Variants in PPP2R5C observed in about 807,000 individuals in gnomAD.
PPP2R5C encodes serine/threonine-protein phosphatase 2A 56 kDa regulatory subunit gamma isoform.
PPP2R5C carries 7 observed loss-of-function variants against 68.9 expected under a neutral mutation model. That is an observed-to-expected ratio of 0.10 (90% CI 0.06 to 0.19). The LOEUF (loss-of-function observed/expected upper bound fraction) is 0.19. Among genes scored for constraint, PPP2R5C ranks in the 10% least tolerant of loss-of-function variants. The pLI, the probability that PPP2R5C is intolerant of heterozygous loss-of-function variation, is 1.00. For missense variants in PPP2R5C, 348 were observed against 641.3 expected, an observed-to-expected ratio of 0.54 and a Z score of 4.94; for synonymous variants, 210 against 222.2, an observed-to-expected ratio of 0.95 and a Z score of 0.49.
intron 2 of PPP2R5C, among the ~76,000 whole-genome samples, chr14:101,783,342 T>C (rs2037923435): frequency 6.8e-6 from 1 of 146,738 alleles, no homozygotes; most frequent in African/African-American, 2.5e-5. Context: ...TCACCTCACC[T>C]TCCCAGGGAC....
intron 11 of PPP2R5C, among the ~76,000 whole-genome samples, chr14:101,910,961 G>A (rs143744718): frequency 0.022 from 3,294 of 152,176 alleles, 90 homozygotes; most frequent in Middle Eastern, 0.068. Context: ...AAAATTAGCC[G>A]GGCGTGGTGG....
At chr14:101,799,822 C>A (rs1419027574) in intron 3 of PPP2R5C, among the ~76,000 whole-genome samples, 1 of 152,156 alleles carries the variant, frequency 6.6e-6, no homozygotes, top group Non-Finnish European at 1.5e-5. Flanking sequence ...TTTTTATGTA[C>A]CTGATCTCAT....
At chr14:101,837,393 C>A (rs1319414514) in intron 1 of PPP2R5C, among the ~76,000 whole-genome samples, 2 of 152,218 alleles carry the variant, frequency 1.3e-5, no homozygotes, top group Non-Finnish European at 1.5e-5. Context: ...GTGATCCGCC[C>A]ACCTCAGCCT....
chr14:101,894,640 T>C, intron 8 of PPP2R5C, 80 bp downstream of exon 10: 4 of 1,359,210 alleles, frequency 2.9e-6, no homozygotes, highest in Non-Finnish European at 4.2e-6. Context: ...CTTCACCAAA[T>C]TGCCATTCAT....
intron 2 of PPP2R5C, chr14:101,766,250 TAAGA>T (rs1287361826): frequency 1.3e-5 from 2 of 152,240 alleles, no homozygotes; most frequent in Non-Finnish European, 2.9e-5. Context: ...GGTTTTTCAG[TAAGA>T]AAGATGAAGT....
intron 2 of PPP2R5C, among the ~76,000 whole-genome samples, chr14:101,862,404 G>T (rs571972973): frequency 9.8e-5 from 15 of 152,316 alleles, no homozygotes; most frequent in African/African-American, 3.6e-4. Flanking sequence ...GACCGGTAAA[G>T]GTTACAGAGT....
intron 1 of PPP2R5C, chr14:101,819,455 C>T (rs748072311): frequency 1.1e-5 from 2 of 189,682 alleles, no homozygotes; most frequent in Admixed American, 5.5e-5. Context: ...AGCAGGACAG[C>T]GGTGTTCAGC....
chr14:101,797,168 CT>C lies in PPP2R5C; in HGVS notation c.259+10988del, dbSNP rs1242103448. 2 of 456,062 alleles carry C rather than the reference CT, an allele frequency of 4.4e-6. No individual in the cohort carries two copies. The highest frequency in any genetic ancestry group is 3.1e-5 in the South Asian group (2 of 64,564). The allele number at this position is 456,062 out of a possible 1,614,324, so 28.3% of individuals were successfully genotyped here. Reference sequence around the variant, plus strand: ...AGAAGCGGAATCGTACAGTATCTGTCTTTCTGTGCCTGGCTTATTTCCCTAA... The same window carrying C: ...AGAAGCGGAATCGTACAGTATCTGTCTTCTGTGCCTGGCTTATTTCCCTAA... On this transcript the variant is annotated intron_variant, in intron 3 of 14. Transcript: ENST00000328724. The surrounding 1 kb of genome is among the most constrained non-coding windows in gnomAD (Gnocchi z 4.2).
chr14:101,767,704 C>T (rs560183004), intron 2 of PPP2R5C, among the ~76,000 whole-genome samples: 27 of 152,304 alleles, frequency 1.8e-4, no homozygotes, highest in African/African-American at 2.6e-4. Flanking sequence ...TTAATTGCCA[C>T]GTCTTGGCTC....
In PPP2R5C at chr14:101,797,047, TTCA is replaced by T; in HGVS notation, c.259+10870_259+10872del. The T allele has an allele frequency of 2.4e-6, 1 of 420,370 alleles. No homozygotes were observed. The highest frequency in any genetic ancestry group is 2.5e-5 in the Admixed American group (1 of 40,386). 26.0% of individuals were successfully genotyped at this position (420,370 alleles called of 1,614,324 possible). A position where few individuals can be genotyped will look rare whatever the true frequency, so the allele number is the denominator to read the frequency against. On this transcript the variant is annotated intron_variant, in intron 3 of 14. Coordinates refer to the PPP2R5C transcript ENST00000328724. This position sits in a 1 kb window ranked among gnomAD's most constrained non-coding sequence, Gnocchi z 4.2. Reference sequence around the variant, plus strand: ...TCACTACTATCTCTACCCAAAACTTTTCATCATCCCCAACAAAAACTCCATTAA... The same window carrying T: ...TCACTACTATCTCTACCCAAAACTTTTCATCCCCAACAAAAACTCCATTAA...
intron 3 of PPP2R5C, among the ~76,000 whole-genome samples, chr14:101,803,794 C>A (rs1405594088): frequency 6.6e-6 from 1 of 151,924 alleles, no homozygotes; most frequent in Non-Finnish European, 1.5e-5. Context: ...TGGGGAAAAT[C>A]TGCAGGACAT....
chr14:101,876,824 T>A, intron 2 of PPP2R5C, among the ~76,000 whole-genome samples: 1 of 152,174 alleles, frequency 6.6e-6, no homozygotes, highest in East Asian at 1.9e-4. Flanking sequence ...GTTTGGGAAG[T>A]GCTGTGTAAT....
At chr14:101,874,628 C>T (rs1269277984) in intron 2 of PPP2R5C, among the ~76,000 whole-genome samples, 3 of 152,166 alleles carry the variant, frequency 2.0e-5, no homozygotes, top group African/African-American at 7.2e-5. Context: ...TATTTTCATG[C>T]TTATCTGAAG....
At chr14:101,925,582 G>T in exon 14 of PPP2R5C, 1 of 223,692 alleles carries the variant, frequency 4.5e-6, no homozygotes, top group Non-Finnish European at 8.8e-6. Flanking sequence ...TCATCTTCAT[G>T]TTCTCCCAAA....
chr14:101,783,717 G>A (rs186428264), intron 2 of PPP2R5C, among the ~76,000 whole-genome samples: 3 of 152,230 alleles, frequency 2.0e-5, no homozygotes, highest in African/African-American at 7.2e-5. Context: ...TCCAGCGGGG[G>A]TCAGAAGCCA....
At chr14:101,784,346 C>T (rs2037983857) in intron 2 of PPP2R5C, among the ~76,000 whole-genome samples, 1 of 152,154 alleles carries the variant, frequency 6.6e-6, no homozygotes, top group South Asian at 2.1e-4. Context: ...CATTTTCACA[C>T]AGCTATAAAA....
At chr14:101,765,087 G>A in intron 2 of PPP2R5C, 5 of 680,898 alleles carry the variant, frequency 7.3e-6, no homozygotes, top group Non-Finnish European at 1.3e-5. Flanking sequence ...CCAGCCGTGT[G>A]AGACCTGCGG....
At chr14:101,787,956 G>A (rs1470477135) in intron 3 of PPP2R5C, among the ~76,000 whole-genome samples, 3 of 152,036 alleles carry the variant, frequency 2.0e-5, no homozygotes, top group Admixed American at 6.6e-5. Flanking sequence ...TGTGTTGAGC[G>A]CCTGTGAAAG....
intron 5 of PPP2R5C, among the ~76,000 whole-genome samples, chr14:101,887,400 G>A (rs190259020): frequency 2.6e-5 from 4 of 152,214 alleles, no homozygotes; most frequent in African/African-American, 9.6e-5. Context: ...ACCAGGATGT[G>A]TCACTACCTC....
Sources: allele counts gnomAD v4.1 joint callset (sites outside exome capture counted in the v4.1 genomes callset), GRCh38; gene constraint gnomAD v4.1.1; non-coding constraint Gnocchi (gnomAD v3.1); transcripts MANE v1.5; gene names NCBI Gene and HGNC (gene_info 2026-07-23, HGNC 2026-07-21).